MTOR: variants seen among roughly 807,000 people sequenced by gnomAD.
MTOR encodes the protein mechanistic target of rapamycin kinase, also known as serine/threonine-protein kinase mTOR.
MTOR carries 70 observed loss-of-function variants against 319.8 expected under a neutral mutation model. The observed-to-expected ratio is 0.22, with a 90% confidence interval of 0.18 to 0.27. The LOEUF is 0.27. Ranked by LOEUF, MTOR falls within the 10% of genes least tolerant of loss-of-function variation. The pLI, the probability that MTOR is intolerant of heterozygous loss-of-function variation, is 1.00. For synonymous variants in MTOR, 1,183 were observed against 1,211.4 expected, an observed-to-expected ratio of 0.98 and a Z score of 0.49; for missense variants, 1,890 against 3,274.4, an observed-to-expected ratio of 0.58 and a Z score of 10.32.
At chr1:11,148,904 A>G (rs896658135) in intron 31 of MTOR, among the ~76,000 whole-genome samples, 1 of 129,844 alleles carries the variant, frequency 7.7e-6, no homozygotes, top group East Asian at 2.7e-4. Context: ...TGTCAAAAAA[A>G]AAAAATTATG....
chr1:11,241,538 G>A lies in MTOR; in HGVS notation c.1541+15C>T, dbSNP rs756197580. The A allele has an allele frequency of 5.0e-6, 8 of 1,604,116 alleles. No homozygotes were observed. The African/African-American group carries it at 9.4e-5, about 19-fold the overall frequency. ...TCACGCTGATACAGGGCAAGCTCAG[G>A]TTTCTGACACCCACCTTAGTCCCAC... On this transcript the variant is annotated intron_variant, in intron 10 of 57. Coordinates refer to ENST00000361445, the MANE Select transcript of MTOR (RefSeq NM_004958.4).
chr1:11,219,841 T>C (rs1007434750), intron 19 of MTOR, among the ~76,000 whole-genome samples: 1 of 151,594 alleles, frequency 6.6e-6, no homozygotes, highest in Non-Finnish European at 1.5e-5. Context: ...CTGGGCAACA[T>C]GGTAAAACCC....
chr1:11,213,320 G>A (rs1646367690), intron 21 of MTOR, 79 bp downstream of exon 21: 16 of 1,470,388 alleles, frequency 1.1e-5, no homozygotes, highest in Non-Finnish European at 1.1e-5. Context: ...CTCAGAATGA[G>A]GTCTCAGCTT....
chr1:11,253,082 C>A (rs2100963237), intron 6 of MTOR, among the ~76,000 whole-genome samples: 1 of 152,286 alleles, frequency 6.6e-6, no homozygotes, highest in East Asian at 1.9e-4. Flanking sequence ...GGCTTGAGGA[C>A]CCCGCGGTGG....
chr1:11,253,639 A>AC (rs1245546629), intron 6 of MTOR, among the ~76,000 whole-genome samples, 200 bp downstream of exon 6: 1 of 151,356 alleles, frequency 6.6e-6, no homozygotes, highest in Admixed American at 6.6e-5. Context: ...CCCTCCACTC[A>AC]CCCCCTCCCC....
rs1371841245 is a variant in MTOR, at chr1:11,189,940, A to T, written c.4253+9318T>A. ...GCAGCTGCAGGCAGCACAGACGGTC[A>T]CTCAGACCTCCGCAGGTAAGGAGAC... On this transcript the variant is annotated intron_variant, in intron 28 of 57. Transcript: ENST00000361445. 1.2e-6 allele frequency: 2 copies of T among 1,610,798 alleles called. No homozygotes were observed. The highest frequency in any genetic ancestry group is 3.3e-5 in the Admixed American group (2 of 59,900).
chr1:11,135,237 A>G (rs1436417304), intron 36 of MTOR, among the ~76,000 whole-genome samples: 2 of 152,194 alleles, frequency 1.3e-5, no homozygotes, highest in Admixed American at 6.5e-5. Flanking sequence ...GGTCCATATC[A>G]CTTTTAAAGG....
chr1:11,241,709 G>A (rs200822355), intron 9 of MTOR, 28 bp from the exon 10 acceptor site: 4 of 1,593,792 alleles, frequency 2.5e-6, no homozygotes, highest in Non-Finnish European at 3.4e-6. Context: ...GTGGCTAGTT[G>A]AGACATAATG....
chr1:11,259,545 G>T, intron 1 of MTOR, 122 bp from the exon 2 acceptor site: 2 of 1,060,892 alleles, frequency 1.9e-6, no homozygotes, highest in South Asian at 1.7e-5. Flanking sequence ...ATTCTAAAAA[G>T]GTTGAGAGAT....
At position 11,199,528 on chromosome 1, in the gene MTOR, G is replaced by A. The variant is rs2100745493; in HGVS notation, c.4107+13C>T. The A allele has an allele frequency of 1.1e-5, 18 of 1,614,126 alleles. No individual in the cohort carries two copies. The highest frequency in any genetic ancestry group is 1.5e-5 in the Non-Finnish European group (18 of 1,180,002). The stretch of plus-strand genomic sequence containing the variant: ...CTGTCAGCCTCCATCTGGACAATGG[G>A]GAAAAGTCTCACCTTGTCACTGTGT... On this transcript the variant is annotated intron_variant, in intron 27 of 57. Transcript: ENST00000361445. The surrounding 1 kb of genome is among the most constrained non-coding windows in gnomAD (Gnocchi z 4.5).
intron 11 of MTOR, among the ~76,000 whole-genome samples, chr1:11,239,281 G>A (rs1174406899): frequency 6.6e-6 from 1 of 152,086 alleles, no homozygotes; most frequent in Non-Finnish European, 1.5e-5. Flanking sequence ...AATTTACCTT[G>A]CCTCTTTTAG....
rs1642546296 is a variant in MTOR at position 11,121,899 on chromosome 1, C to G, written c.6810+80G>C. ...AAGAGATTTTTCAGTGACAGACATA[C>G]AGAGAGGAATGAGAAAAGCAGCGCT... On this transcript the variant is annotated intron_variant, in intron 48 of 57. Coordinates refer to ENST00000361445, the MANE Select transcript of MTOR (RefSeq NM_004958.4). This position sits in a 1 kb window ranked among gnomAD's most constrained non-coding sequence, Gnocchi z 4.9. The G allele has an allele frequency of 7.7e-6, 12 of 1,551,088 alleles. No homozygotes were observed. The highest frequency in any genetic ancestry group is 1.1e-5 in the Non-Finnish European group (12 of 1,140,316).
intron 49 of MTOR, among the ~76,000 whole-genome samples, chr1:11,119,565 C>T (rs12060810): frequency 0.015 from 1,756 of 116,006 alleles, 41 homozygotes; most frequent in African/African-American, 0.057. Context: ...ACTGAGATTC[C>T]GTCTCGAGAA....
rs1303867760 is a variant in MTOR at position 11,127,186 on chromosome 1, C to T, written c.6217-42G>A. On this transcript the variant is annotated intron_variant, in intron 44 of 57. Coordinates refer to ENST00000361445, the MANE Select transcript of MTOR (RefSeq NM_004958.4). This position sits in a 1 kb window ranked among gnomAD's most constrained non-coding sequence, Gnocchi z 5.5. ...GCACGTTTTCAAGTTATCAAAGTCT[C>T]AACCAACCCAGGAGGCAAAATCCCC... 3.7e-6 allele frequency: 6 copies of T among 1,610,664 alleles called. No homozygotes were observed. The highest frequency in any genetic ancestry group is 4.2e-6 in the Non-Finnish European group (5 of 1,178,840).
chr1:11,124,372 G>A (rs1642708196), intron 47 of MTOR, 126 bp downstream of exon 47: 1 of 1,260,664 alleles, frequency 7.9e-7, no homozygotes, highest in Non-Finnish European at 1.1e-6. Context: ...ACAGGCATGA[G>A]TTACCATGCC....
chr1:11,185,609 A>G (rs1645294491), intron 28 of MTOR, among the ~76,000 whole-genome samples: 1 of 152,084 alleles, frequency 6.6e-6, no homozygotes, highest in South Asian at 2.1e-4. Flanking sequence ...TCACAAAACA[A>G]AACAGAACAA....
Position 11,129,978 on chromosome 1 carries a change from T to A in MTOR, c.5614-140A>T. 1 of 682,890 alleles carries A rather than the reference T, an allele frequency of 1.5e-6. No homozygotes were observed. 42.3% of individuals were successfully genotyped at this position (682,890 alleles called of 1,614,324 possible). On this transcript the variant is annotated intron_variant, in intron 39 of 57. Coordinates refer to ENST00000361445, the MANE Select transcript of MTOR (RefSeq NM_004958.4). The surrounding 1 kb of genome is among the most constrained non-coding windows in gnomAD (Gnocchi z 4.7). The stretch of plus-strand genomic sequence containing the variant: ...CGGTTAATGCATGAAAAATCTTTAA[T>A]CATTACCTGGCACATAGCAAAGACT...
intron 29 of MTOR, among the ~76,000 whole-genome samples, chr1:11,166,004 T>C (rs1347040289): frequency 1.3e-5 from 2 of 152,238 alleles, no homozygotes; most frequent in African/African-American, 4.8e-5. Flanking sequence ...AAGGATTCCC[T>C]ATTTAATAAA....
chr1:11,154,218 A>C (rs1644247446), intron 30 of MTOR, among the ~76,000 whole-genome samples: 1 of 151,720 alleles, frequency 6.6e-6, no homozygotes, highest in Admixed American at 6.6e-5. Context: ...TATATAAATA[A>C]ATAAAGCGGA....
Sources: allele counts gnomAD v4.1 joint callset (sites outside exome capture counted in the v4.1 genomes callset), GRCh38; gene constraint gnomAD v4.1.1; non-coding constraint Gnocchi (gnomAD v3.1); transcripts MANE v1.5; gene names NCBI Gene and HGNC (gene_info 2026-07-23, HGNC 2026-07-21).